Variants in AP1G1 observed in about 807,000 individuals in gnomAD.
AP1G1 encodes the protein AP-1 complex subunit gamma-1.
A neutral mutation model predicts 108.3 loss-of-function variants in AP1G1; 7 were observed. The ratio of observed to expected loss-of-function variants is 0.06; its 90% confidence interval spans 0.04 to 0.12. The LOEUF (loss-of-function observed/expected upper bound fraction) is 0.12, where lower values mean the gene tolerates loss of function less well. AP1G1 is among the 10% of genes least tolerant of loss of function. The pLI is 1.00. For missense variants in AP1G1, 756 were observed against 1,010.7 expected (o/e 0.75, Z 3.42); for synonymous variants, 379 against 353.5 (o/e 1.07, Z -0.81).
Position 71,733,177 on chromosome 16 carries a change from A to C in AP1G1, c.2368-18T>G. ...AGCTGTTGCTATAAGAGGAAAAGAG[A>C]AGTGCAAATTATATACTGAAATGAA... On this transcript the variant is annotated intron_variant, in intron 22 of 22. Coordinates refer to ENST00000299980, the MANE Select transcript of AP1G1 (RefSeq NM_001128.6). The C allele has an allele frequency of 6.3e-7, 1 of 1,584,746 alleles. No homozygotes were observed. Among genetic ancestry groups the C allele is most frequent in the Non-Finnish European group, 8.7e-7 (1 of 1,153,738 alleles).
chr16:71,760,813 T>A (rs889278915), intron 10 of AP1G1, among the ~76,000 whole-genome samples: 1 of 152,166 alleles, frequency 6.6e-6, no homozygotes, highest in African/African-American at 2.4e-5. Context: ...TCCCAAAGTG[T>A]TGGCATTACA....
intron 4 of AP1G1, 190 bp downstream of exon 4, chr16:71,773,031 T>A: frequency 1.4e-6 from 1 of 726,520 alleles, no homozygotes; most frequent in Non-Finnish European, 2.4e-6. Flanking sequence ...TCCAGTAACA[T>A]TTGTTTGTTT....
intron 22 of AP1G1, among the ~76,000 whole-genome samples, chr16:71,733,384 C>T (rs553714056): frequency 3.2e-4 from 48 of 152,278 alleles, no homozygotes; most frequent in African/African-American, 1.1e-3. Context: ...GCAGAATACA[C>T]GGTTAGCTTT....
At chr16:71,750,084 T>C in intron 14 of AP1G1, 101 bp from the exon 15 acceptor site, 1 of 1,464,666 alleles carries the variant, frequency 6.8e-7, no homozygotes, top group Non-Finnish European at 9.5e-7. Context: ...AAACTGTGCA[T>C]ATCTAGAGTG....
At chr16:71,746,384 GGAAT>G (rs2030183167) in intron 17 of AP1G1, among the ~76,000 whole-genome samples, 200 bp downstream of exon 17, 1 of 152,170 alleles carries the variant, frequency 6.6e-6, no homozygotes, top group Non-Finnish European at 1.5e-5. Flanking sequence ...TGTTGGAGGT[GGAAT>G]GAAAGAGAGT....
intron 6 of AP1G1, chr16:71,767,827 C>T: frequency 3.8e-6 from 6 of 1,576,956 alleles, no homozygotes; most frequent in East Asian, 2.2e-5. Context: ...ACAAAAGCTA[C>T]TAAGGACCTA....
intron 2 of AP1G1, 80 bp from the exon 3 acceptor site, chr16:71,774,672 TC>T: frequency 7.0e-7 from 1 of 1,432,716 alleles, no homozygotes; most frequent in Non-Finnish European, 9.4e-7. Flanking sequence ...TAACCCAGAG[TC>T]CCCAGCTGGC....
At chr16:71,784,097 T>G (rs188367901) in intron 2 of AP1G1, among the ~76,000 whole-genome samples, 1 of 152,216 alleles carries the variant, frequency 6.6e-6, no homozygotes, top group African/African-American at 2.4e-5. Flanking sequence ...AAGGTCCATA[T>G]AAAAAATCTC....
intron 4 of AP1G1, 160 bp downstream of exon 4, chr16:71,773,056 TAAGAA>T (rs1167608716): frequency 4.9e-6 from 4 of 811,572 alleles, no homozygotes; most frequent in East Asian, 2.7e-5. Flanking sequence ...ATCATTTCCT[TAAGAA>T]AAGAGGAATT....
In AP1G1 at chr16:71,773,311, G is replaced by A. The variant is rs374144112; in HGVS notation, c.378C>T (p.Leu126=). ...ACATCTCTGAGGAGCCCATGCAGCC[G>A]AGGGTACAAAGTGCTAACCCCTGTA... ...QFVQGLALCT[L]GCMGSSEMCR... Residue 126 remains leucine, a synonymous_variant, in exon 4 of 23, where the codon CTC becomes CTT. Coordinates refer to ENST00000299980, the MANE Select transcript of AP1G1 (RefSeq NM_001128.6). 19 of 1,595,324 alleles carry A rather than the reference G, an allele frequency of 1.2e-5. No individual in the cohort carries two copies. The highest frequency in any genetic ancestry group is 4.6e-5 in the South Asian group (4 of 87,384).
chr16:71,746,085 C>A (rs753987458), intron 17 of AP1G1, among the ~76,000 whole-genome samples: 1 of 152,082 alleles, frequency 6.6e-6, no homozygotes, highest in African/African-American at 2.4e-5. Context: ...TCTTGGCTCA[C>A]TGAAACATCC....
intron 2 of AP1G1, among the ~76,000 whole-genome samples, chr16:71,785,502 G>A (rs750368970): frequency 6.8e-4 from 102 of 150,364 alleles, no homozygotes; most frequent in Non-Finnish European, 1.4e-3. Context: ...TTGAACCTGG[G>A]TAGTGAAGGC....
rs555994040 is a variant in AP1G1 at position 71,774,980 on chromosome 16, C to T, written c.202-388G>A. Among the ~76,000 whole-genome samples the T allele has an allele frequency of 4.0e-5, 6 of 151,186 alleles. No homozygotes were observed. The South Asian group carries it at 1.0e-3, about 26-fold the overall frequency. ...TGCCGATCCACCTGCCTTGGCCTCCCAAAGTGCTGGGATTACAGGCATGAG... is the reference window on the plus strand; with the variant it reads ...TGCCGATCCACCTGCCTTGGCCTCCTAAAGTGCTGGGATTACAGGCATGAG... On this transcript the variant is annotated intron_variant, in intron 2 of 22. Transcript: ENST00000299980.
At position 71,729,898 on chromosome 16, in the gene AP1G1, A is replaced by G. The variant is rs1168165155; in HGVS notation, c.*3160T>C. ...GTTCTCATGGCCCAAATATTTTCCA[A>G]TGCAGAAGATAATGAAGTTGAACCT... On this transcript the variant is annotated 3_prime_UTR_variant, in exon 23 of 23. Coordinates refer to ENST00000299980, the MANE Select transcript of AP1G1 (RefSeq NM_001128.6). 6.6e-6 allele frequency: 1 copy of G among 152,638 alleles called. No homozygotes were observed. The highest frequency in any genetic ancestry group is 2.4e-5 in the African/African-American group (1 of 41,462). The allele number at this position is 152,638 out of a possible 1,614,324, so 9.5% of individuals were successfully genotyped here.
At chr16:71,771,036 C>T in intron 5 of AP1G1, 120 bp downstream of exon 5, 1 of 548,420 alleles carries the variant, frequency 1.8e-6, no homozygotes, top group Non-Finnish European at 3.1e-6. Context: ...GGAAAAGTGT[C>T]TAAGGCACAG....
chr16:71,805,994 C>G (rs1360703086), intron 1 of AP1G1, among the ~76,000 whole-genome samples: 2 of 149,348 alleles, frequency 1.3e-5, no homozygotes, highest in East Asian at 3.9e-4. Flanking sequence ...CCAGCCTGGG[C>G]AACAGAGTGA....
At chr16:71,785,318 T>C (rs1301324941) in intron 2 of AP1G1, among the ~76,000 whole-genome samples, 3 of 152,196 alleles carry the variant, frequency 2.0e-5, no homozygotes, top group Non-Finnish European at 4.4e-5. Context: ...GGCTCACACC[T>C]GTAATTCCAG....
At chr16:71,799,024 A>G (rs527949749) in intron 1 of AP1G1, among the ~76,000 whole-genome samples, 2 of 152,354 alleles carry the variant, frequency 1.3e-5, no homozygotes, top group Non-Finnish European at 2.9e-5. Flanking sequence ...ATGAGCAGAC[A>G]ATTCTCGGTA....
rs1567668929 is a variant in AP1G1, at chr16:71,807,991, C to T, written c.-4+772G>A. ...AAAGCCATTTAATCTGCTTCATAAA[C>T]ATAATCTGCTTCATAAACATTACCC... On this transcript the variant is annotated intron_variant, in intron 1 of 22. Coordinates refer to ENST00000299980, the MANE Select transcript of AP1G1 (RefSeq NM_001128.6). The T allele has an allele frequency of 2.5e-6, 3 of 1,223,106 alleles. No individual in the cohort carries two copies. The East Asian group carries it at 1.7e-4, about 69-fold the overall frequency. 75.8% of individuals were successfully genotyped at this position (1,223,106 alleles called of 1,614,324 possible).
Sources: allele counts gnomAD v4.1 joint callset (sites outside exome capture counted in the v4.1 genomes callset), GRCh38; gene constraint gnomAD v4.1.1; transcripts MANE v1.5; gene names NCBI Gene and HGNC (gene_info 2026-07-23, HGNC 2026-07-21).